Variants in MTARC1 observed in about 807,000 individuals in gnomAD.
The protein encoded by MTARC1 is mitochondrial amidoxime-reducing component 1.
In MTARC1, 24 loss-of-function variants were observed where a neutral mutation model predicts 33.6. That is an observed-to-expected ratio of 0.72 (90% CI 0.52 to 1.01). The LOEUF is 1.01. Ranked by LOEUF, MTARC1 falls within the 50% of genes least tolerant of loss-of-function variation. MTARC1 has a pLI of 0.00. For synonymous variants in MTARC1, 187 were observed against 189.5 expected (o/e 0.99, Z 0.11); for missense variants, 417 against 445.7 (o/e 0.94, Z 0.58).
chr1:220,805,162 T>C (rs779873284), intron 5 of MTARC1, 41 bp from the exon 6 acceptor site: 1 of 1,613,868 alleles, frequency 6.2e-7, no homozygotes, highest in African/African-American at 1.3e-5. Context: ...ATAAGTTCGC[T>C]CTGCTCTGTC....
At position 220,815,499 on chromosome 1, in the gene MTARC1, A is replaced by G. The variant is rs1261698153; in HGVS notation, c.*2081A>G. The G allele has an allele frequency of 1.3e-5, 2 of 152,242 alleles. No individual in the cohort carries two copies. The highest frequency in any genetic ancestry group is 2.9e-5 in the Non-Finnish European group (2 of 68,056). 9.4% of individuals were successfully genotyped at this position (152,242 alleles called of 1,614,324 possible). A position where few individuals can be genotyped will look rare whatever the true frequency, so the allele number is the denominator to read the frequency against. ...AAGGGAGCACCCAGAAACCCTCCTC[A>G]CTGGGCAGACCTGTCCTTCTGTGCC... is the stretch of plus-strand genomic sequence containing the variant. On this transcript the variant is annotated 3_prime_UTR_variant, in exon 7 of 7. Coordinates refer to ENST00000366910, the MANE Select transcript of MTARC1 (RefSeq NM_022746.4).
intron 6 of MTARC1, chr1:220,809,061 C>T (rs1673051706): frequency 2.5e-6 from 1 of 398,862 alleles, no homozygotes; most frequent in Non-Finnish European, 4.9e-6. Flanking sequence ...AGGCTGTGCT[C>T]TGCTGAGCTA....
chr1:220,811,920 T>G (rs1673145898), intron 6 of MTARC1, among the ~76,000 whole-genome samples: 1 of 152,202 alleles, frequency 6.6e-6, no homozygotes, highest in Non-Finnish European at 1.5e-5. Context: ...TACAAGGGCA[T>G]TAATCACAGT....
At chr1:220,807,057 A>G (rs1236446048) in intron 6 of MTARC1, among the ~76,000 whole-genome samples, 2 of 152,198 alleles carry the variant, frequency 1.3e-5, no homozygotes, top group African/African-American at 4.8e-5. Flanking sequence ...TCAATACTCA[A>G]AACATTAACA....
chr1:220,813,613 T>C lies in MTARC1; in HGVS notation c.*195T>C. The C allele has an allele frequency of 1.6e-6, 1 of 639,306 alleles. No homozygotes were observed. Among genetic ancestry groups the C allele is most frequent in the South Asian group, 2.1e-5 (1 of 47,532 alleles). 39.6% of individuals were successfully genotyped at this position (639,306 alleles called of 1,614,324 possible). ...GTGCAAAAAGTAAAGAAATATAGTC[T>C]CAATAACTTAGTAGGACTTCAGTAA... On this transcript the variant is annotated 3_prime_UTR_variant, in exon 7 of 7. Transcript: ENST00000366910.
At chr1:220,805,931 T>C (rs1253483465) in intron 6 of MTARC1, among the ~76,000 whole-genome samples, 1 of 152,238 alleles carries the variant, frequency 6.6e-6, no homozygotes, top group African/African-American at 2.4e-5. Flanking sequence ...ACAAAGTTGA[T>C]TATAAAATAG....
In MTARC1 at chr1:220,819,197, C is replaced by T. The variant is rs762389682; in HGVS notation, c.*5779C>T. The T allele has an allele frequency of 7.2e-5, 11 of 152,126 alleles. No homozygotes were observed. Among genetic ancestry groups the T allele is most frequent in the African/African-American group, 2.2e-4 (9 of 41,424 alleles). The allele number at this position is 152,126 out of a possible 1,614,324, so 9.4% of individuals were successfully genotyped here. A position where few individuals can be genotyped will look rare whatever the true frequency, so the allele number is the denominator to read the frequency against. On this transcript the variant is annotated 3_prime_UTR_variant, in exon 7 of 7. Transcript: ENST00000366910. Reference sequence around the variant, plus strand: ...TGTGCATACTTTAGGAACGTTTTTACCCTTTATGTTGACCTGACATCATAG... The same window carrying T: ...TGTGCATACTTTAGGAACGTTTTTATCCTTTATGTTGACCTGACATCATAG...
chr1:220,796,552 C>T, intron 2 of MTARC1, 91 bp from the exon 3 acceptor site: 1 of 1,382,576 alleles, frequency 7.2e-7, no homozygotes, highest in Non-Finnish European at 9.6e-7. Context: ...AATGTTACAG[C>T]TAGGAGCAGC....
At chr1:220,804,932 A>C in intron 4 of MTARC1, 120 bp from the exon 5 acceptor site, 1 of 1,071,028 alleles carries the variant, frequency 9.3e-7, no homozygotes, top group Non-Finnish European at 1.4e-6. Flanking sequence ...GGGAGAACAG[A>C]AGGCTGCCAT....
In MTARC1 at chr1:220,814,209, G is replaced by GCCTTTTAAA. The variant is rs1673226542; in HGVS notation, c.*791_*792insCCTTTTAAA. 1 of 152,174 alleles carries GCCTTTTAAA rather than the reference G, an allele frequency of 6.6e-6. No homozygotes were observed. Among genetic ancestry groups the GCCTTTTAAA allele is most frequent in the Non-Finnish European group, 1.5e-5 (1 of 68,046 alleles). 9.4% of individuals were successfully genotyped at this position (152,174 alleles called of 1,614,324 possible). A position where few individuals can be genotyped will look rare whatever the true frequency, so the allele number is the denominator to read the frequency against. ...ATAGACTACTGAAAACCTTTAAAGG[G>GCCTTTTAAA]GGAAAAGGAAAGCATATGTCAGTTG... On this transcript the variant is annotated 3_prime_UTR_variant, in exon 7 of 7. Coordinates refer to ENST00000366910, the MANE Select transcript of MTARC1 (RefSeq NM_022746.4).
At position 220,796,758 on chromosome 1, in the gene MTARC1, C is replaced by A. The variant is rs748962201; in HGVS notation, c.565C>A (p.Pro189Thr). 9 of 1,612,780 alleles carry A rather than the reference C, an allele frequency of 5.6e-6. No individual in the cohort carries two copies. In the South Asian group the frequency reaches 8.8e-5, roughly 16 times the overall value. Residue 189 changes from proline (P) to threonine (T), a missense_variant, in exon 3 of 7, where the codon CCG becomes ACG. Transcript: ENST00000366910. ...GGTGCACTTCGAGCCTCACATGCGA[C>A]CGAGACGTCCTCATCAAATAGCAGA... ...RLVHFEPHMR[P>T]RRPHQIADLF...
rs12027930 is a variant in MTARC1, at chr1:220,792,767, T to G, written c.449+1103T>G. 9.3e-3 allele frequency among the ~76,000 whole-genome samples: 1,399 copies of G among 150,880 alleles called. 11 individuals are homozygous for G. The highest frequency in any genetic ancestry group is 0.061 in the East Asian group (308 of 5,046). Reference sequence around the variant, plus strand: ...AACTAAACTGAAATAATACAAAAAATCCTTTAATATTGTTTATATACTTAA... The same window carrying G: ...AACTAAACTGAAATAATACAAAAAAGCCTTTAATATTGTTTATATACTTAA... On this transcript the variant is annotated intron_variant, in intron 2 of 6. Coordinates refer to ENST00000366910, the MANE Select transcript of MTARC1 (RefSeq NM_022746.4).
At chr1:220,813,261 T>A in intron 6 of MTARC1, 31 bp from the exon 7 acceptor site, 1 of 1,613,774 alleles carries the variant, frequency 6.2e-7, no homozygotes, top group Non-Finnish European at 8.5e-7. Context: ...TCCGCTTGGC[T>A]GTGACTCATC....
intron 6 of MTARC1, among the ~76,000 whole-genome samples, chr1:220,811,080 G>T (rs1249888342): frequency 6.6e-6 from 1 of 152,200 alleles, no homozygotes; most frequent in Admixed American, 6.5e-5. Context: ...CTCTTAGACT[G>T]CAGAGCTTGG....
chr1:220,813,236 G>T (rs932732393), intron 6 of MTARC1, 56 bp from the exon 7 acceptor site: 14 of 1,612,456 alleles, frequency 8.7e-6, no homozygotes, highest in Admixed American at 6.7e-5. Flanking sequence ...GCCACGTGCT[G>T]GTTGAGCTCT....
chr1:220,794,524 G>A (rs2378406), intron 2 of MTARC1, among the ~76,000 whole-genome samples: 1 of 146,280 alleles, frequency 6.8e-6, no homozygotes, highest in African/African-American at 2.5e-5. Context: ...CTGTGAATAA[G>A]AAAACGATAG....
intron 6 of MTARC1, 129 bp downstream of exon 6, chr1:220,805,403 C>G (rs1173885552): frequency 3.2e-6 from 3 of 941,668 alleles, no homozygotes; most frequent in Non-Finnish European, 5.0e-6. Context: ...TCAAGAGGGT[C>G]CCATTAACGA....
intron 6 of MTARC1, among the ~76,000 whole-genome samples, chr1:220,808,532 C>A (rs986221994): frequency 6.6e-6 from 1 of 152,240 alleles, no homozygotes; most frequent in Non-Finnish European, 1.5e-5. Flanking sequence ...GGAAGGGAAG[C>A]AAACAGTGGT....
rs1409373291 is a variant in MTARC1, at chr1:220,791,554, C to T, written c.339C>T (p.Val113=). The T allele has an allele frequency of 1.2e-6, 2 of 1,614,002 alleles. No homozygotes were observed. The highest frequency in any genetic ancestry group is 8.5e-7 in the Non-Finnish European group (1 of 1,180,036). Residue 113 remains valine (V), a synonymous_variant, in exon 2 of 7, where the codon GTC becomes GTT. Transcript: ENST00000366910. ...MVTARQEPRL[V]LISLTCDGDT... is the part of the protein sequence containing the mutation. The stretch of plus-strand genomic sequence containing the variant: ...CTGCTCGCCAGGAACCTCGCCTGGT[C>T]CTGATTTCCCTGACCTGCGATGGTG...
Sources: allele counts gnomAD v4.1 joint callset (sites outside exome capture counted in the v4.1 genomes callset), GRCh38; gene constraint gnomAD v4.1.1; transcripts MANE v1.5; gene names NCBI Gene and HGNC (gene_info 2026-07-23, HGNC 2026-07-21).